The following PHF24 variants were observed in gnomAD, a reference collection of about 807,000 sequenced individuals.
PHF24 encodes the protein Galpha inhibitory interacting protein.
PHF24 carries 25 observed loss-of-function variants against 42.6 expected under a neutral mutation model. The observed-to-expected ratio is 0.59, with a 90% CI of 0.43 to 0.82. The LOEUF (loss-of-function observed/expected upper bound fraction) is 0.82, where lower values mean the gene tolerates loss of function less well. PHF24 is among the 40% of genes least tolerant of loss of function. The pLI, the probability that PHF24 is intolerant of heterozygous loss-of-function variation, is 0.00. For missense variants in PHF24, 470 were observed against 538.1 expected (o/e 0.87, Z 1.25); for synonymous variants, 185 against 204.8 (o/e 0.90, Z 0.83).
chr9:34,680,557 G>A, the PHF24 span, among the ~76,000 whole-genome samples: 29,748 of 147,730 alleles, frequency 0.2, 3,406 homozygotes, highest in South Asian at 0.35. Context: ...GCGTAGTGGC[G>A]GGCGCCTGTA....
the PHF24 span, among the ~76,000 whole-genome samples, chr9:34,949,721 C>A: frequency 6.6e-6 from 1 of 151,992 alleles, no homozygotes; most frequent in East Asian, 1.9e-4. Flanking sequence ...AAGCTGGAAA[C>A]CATCATCCTC....
chr9:34,740,973 C>T, the PHF24 span, among the ~76,000 whole-genome samples: 1 of 151,800 alleles, frequency 6.6e-6, no homozygotes, highest in African/African-American at 2.4e-5. Flanking sequence ...GCAACTTCTG[C>T]CTCCCAGGTT....
At chr9:34,952,414 A>G in the PHF24 span, among the ~76,000 whole-genome samples, 7 of 152,226 alleles carry the variant, frequency 4.6e-5, no homozygotes, top group Non-Finnish European at 7.3e-5. Flanking sequence ...CATGGATTTT[A>G]AGAGTCAACA....
chr9:34,956,421 G>A (rs1480392821), upstream of PHF24, among the ~76,000 whole-genome samples: 1 of 152,154 alleles, frequency 6.6e-6, no homozygotes, highest in Admixed American at 6.5e-5. Flanking sequence ...CACTGCACCT[G>A]GCTAATTGTT....
intron 4 of PHF24, 41 bp downstream of exon 4, chr9:34,976,271 C>A: frequency 2.0e-6 from 3 of 1,496,660 alleles, no homozygotes; most frequent in Non-Finnish European, 2.8e-6. Context: ...AGGGGCCGGG[C>A]AGATTTCTCC....
exon 5 of PHF24, chr9:34,976,553 A>C (rs1340437007): frequency 3.5e-5 from 57 of 1,613,298 alleles, no homozygotes; most frequent in Non-Finnish European, 4.7e-5. Context: ...CTGACACTGG[A>C]GGACTTTCTG....
At chr9:34,709,631 C>A in the PHF24 span, 7 of 1,614,074 alleles carry the variant, frequency 4.3e-6, no homozygotes, top group Non-Finnish European at 5.9e-6. Flanking sequence ...GCACCCAGAG[C>A]TCCTTTGGGT....
At chr9:34,671,182 T>G in the PHF24 span, among the ~76,000 whole-genome samples, 2 of 152,144 alleles carry the variant, frequency 1.3e-5, no homozygotes, top group Non-Finnish European at 2.9e-5. Context: ...GGCCTCCCTA[T>G]CCTGGGAATT....
the PHF24 span, among the ~76,000 whole-genome samples, chr9:34,848,637 TGCTA>T: frequency 6.6e-6 from 1 of 151,718 alleles, no homozygotes; most frequent in Non-Finnish European, 1.5e-5. Context: ...TCTTGCCTTC[TGCTA>T]GCTTTTGAAT....
chr9:34,936,992 G>A, the PHF24 span, among the ~76,000 whole-genome samples: 3 of 142,044 alleles, frequency 2.1e-5, no homozygotes, highest in Non-Finnish European at 3.1e-5. Context: ...GTCAGCCCCC[G>A]CCAGGCCAGC....
the PHF24 span, among the ~76,000 whole-genome samples, chr9:34,680,682 C>A: frequency 1.1e-5 from 1 of 95,214 alleles, no homozygotes; most frequent in Non-Finnish European, 2.3e-5. Flanking sequence ...AGCGAGACTC[C>A]GTCTCAAAAA....
rs78836774 is a variant in PHF24 at position 34,973,051 on chromosome 9, C to G, written c.564+520C>G. Among the ~76,000 whole-genome samples, 426 of 152,088 alleles carry G rather than the reference C, an allele frequency of 2.8e-3. 1 individual carries two copies. Among genetic ancestry groups the G allele is most frequent in the African/African-American group, 9.7e-3 (404 of 41,472 alleles). On this transcript the variant is annotated intron_variant, in intron 3 of 7. Coordinates refer to ENST00000242315, the Ensembl canonical transcript of PHF24. ...GCCAAGTGCATTGTAGGATGTTTAG[C>G]GGCACCCTGGCCTTAATCCCCTAGA...
chr9:34,673,365 AAAG>A, the PHF24 span, among the ~76,000 whole-genome samples: 2 of 151,286 alleles, frequency 1.3e-5, no homozygotes, highest in Admixed American at 6.6e-5. Flanking sequence ...AAAAAAAAAA[AAAG>A]AGAGGAATTG....
chr9:34,916,819 A>T, the PHF24 span, among the ~76,000 whole-genome samples: 1 of 152,218 alleles, frequency 6.6e-6, no homozygotes, highest in Non-Finnish European at 1.5e-5. Context: ...GCGTGGGAGC[A>T]TTATCTCCAC....
chr9:34,809,986 G>T, the PHF24 span, among the ~76,000 whole-genome samples: 7 of 150,754 alleles, frequency 4.6e-5, no homozygotes, highest in South Asian at 1.2e-3. This position sits in a 1 kb window ranked among gnomAD's most constrained non-coding sequence, Gnocchi z 4.1. Context: ...AGAAAGCCTC[G>T]CGTGGGCGCA....
chr9:34,719,744 C>T, the PHF24 span, among the ~76,000 whole-genome samples: 3 of 152,196 alleles, frequency 2.0e-5, no homozygotes, highest in Non-Finnish European at 4.4e-5. Flanking sequence ...GAGTCAATTC[C>T]CTTCATTCTG....
chr9:34,711,084 G>C, the PHF24 span, among the ~76,000 whole-genome samples: 1 of 152,130 alleles, frequency 6.6e-6, no homozygotes, highest in Non-Finnish European at 1.5e-5. Context: ...CATTTTGCTC[G>C]TATACATTTT....
chr9:34,888,274 G>C, the PHF24 span, among the ~76,000 whole-genome samples: 4 of 152,128 alleles, frequency 2.6e-5, no homozygotes, highest in Admixed American at 6.6e-5. Flanking sequence ...TTATATGACT[G>C]TCTATCCCAG....
the PHF24 span, among the ~76,000 whole-genome samples, chr9:34,952,523 T>G: frequency 6.6e-6 from 1 of 152,140 alleles, no homozygotes; most frequent in Admixed American, 6.5e-5. Flanking sequence ...AATTCTAAAT[T>G]TTATATCCAA....
Sources: allele counts gnomAD v4.1 joint callset (sites outside exome capture counted in the v4.1 genomes callset), GRCh38; gene constraint gnomAD v4.1.1; non-coding constraint Gnocchi (gnomAD v3.1); transcripts MANE v1.5; gene names NCBI Gene and HGNC (gene_info 2026-07-23, HGNC 2026-07-21).